The following STIM2 variants were observed in gnomAD, a reference collection of about 807,000 sequenced individuals.
The protein encoded by STIM2 is stromal interaction molecule 2.
STIM2 carries 31 observed loss-of-function variants against 85.8 expected under a neutral mutation model. That is an observed-to-expected ratio of 0.36 (90% CI 0.27 to 0.49). The LOEUF (loss-of-function observed/expected upper bound fraction) is 0.49. Among genes scored for constraint, STIM2 ranks in the 20% least tolerant of loss-of-function variants. The probability of loss-of-function intolerance (pLI) is 0.98; values close to 1 mark genes in which losing one functional copy is unlikely to be tolerated. For synonymous variants in STIM2, 356 were observed against 331.1 expected (o/e 1.08, Z -0.82); for missense variants, 841 against 927.6 (o/e 0.91, Z 1.21).
intron 5 of STIM2, among the ~76,000 whole-genome samples, chr4:27,001,301 T>C (rs922030927): frequency 6.6e-6 from 1 of 152,232 alleles, no homozygotes; most frequent in Non-Finnish European, 1.5e-5. Context: ...TAGTGTGTAC[T>C]GACTGGGCTA....
chr4:26,975,565 C>G (rs1391925566), intron 3 of STIM2, among the ~76,000 whole-genome samples: 1 of 152,188 alleles, frequency 6.6e-6, no homozygotes, highest in Non-Finnish European at 1.5e-5. Context: ...CCAGTGGAGG[C>G]TGCAGAACAG....
chr4:26,869,869 G>A (rs1478897045), intron 1 of STIM2, among the ~76,000 whole-genome samples: 1 of 150,874 alleles, frequency 6.6e-6, no homozygotes, highest in Non-Finnish European at 1.5e-5. Flanking sequence ...GTTCTTTTCA[G>A]CATTTTTCAC....
intron 2 of STIM2, among the ~76,000 whole-genome samples, chr4:26,951,588 T>G (rs1726054125): frequency 1.3e-5 from 2 of 152,156 alleles, no homozygotes; most frequent in South Asian, 4.1e-4. Flanking sequence ...AGTTGTTTTT[T>G]GAGGGCCTGT....
At chr4:27,019,738 C>T in intron 11 of STIM2, 1 of 308,644 alleles carries the variant, frequency 3.2e-6, no homozygotes, top group South Asian at 2.9e-5. Flanking sequence ...ATGCCTTATG[C>T]ACATATATGC....
intron 1 of STIM2, among the ~76,000 whole-genome samples, chr4:26,868,188 A>G (rs1012388721): frequency 1.3e-4 from 20 of 152,228 alleles, no homozygotes; most frequent in African/African-American, 4.6e-4. Flanking sequence ...TCCAGTACAC[A>G]CAGGCTGATT....
intron 10 of STIM2, among the ~76,000 whole-genome samples, chr4:27,015,820 G>A (rs564358538): frequency 7.3e-6 from 1 of 137,522 alleles, no homozygotes; most frequent in East Asian, 2.1e-4. Context: ...TATTTGGTGT[G>A]TTTCTTGAAT....
intron 10 of STIM2, among the ~76,000 whole-genome samples, chr4:27,016,730 T>C (rs1313047407): frequency 6.6e-6 from 1 of 152,234 alleles, no homozygotes; most frequent in African/African-American, 2.4e-5. Context: ...TGACTCATTA[T>C]TCCAATACCT....
Position 26,987,635 on chromosome 4 carries a change from T to TA in STIM2, c.398-7743dup, listed in dbSNP as rs150908437. Reference sequence around the variant, plus strand: ...TTTGAAATGTTGCCTTTCGAGCTGTTAGAGCCCCTCTTCCAAGTTGTAGGA... The same window carrying TA: ...TTTGAAATGTTGCCTTTCGAGCTGTTAAGAGCCCCTCTTCCAAGTTGTAGGA... On this transcript the variant is annotated intron_variant, in intron 3 of 11. Transcript: ENST00000467087. 4.1e-4 allele frequency among the ~76,000 whole-genome samples: 62 copies of TA among 152,296 alleles called. 1 individual carries two copies. The highest frequency in any genetic ancestry group is 1.4e-3 in the African/African-American group (59 of 41,580).
chr4:26,911,380 C>G (rs1362847795), intron 1 of STIM2, among the ~76,000 whole-genome samples: 2 of 152,036 alleles, frequency 1.3e-5, no homozygotes, highest in Non-Finnish European at 2.9e-5. Flanking sequence ...TTGCTAGGGT[C>G]CAGGTAAATT....
At chr4:26,975,853 A>G (rs1304478045) in intron 3 of STIM2, among the ~76,000 whole-genome samples, 2 of 152,132 alleles carry the variant, frequency 1.3e-5, no homozygotes, top group African/African-American at 4.8e-5. Flanking sequence ...TGCCCTGCCC[A>G]CAGAGGTGGA....
At chr4:26,972,762 G>A (rs1439714865) in intron 3 of STIM2, among the ~76,000 whole-genome samples, 3 of 152,180 alleles carry the variant, frequency 2.0e-5, no homozygotes, top group South Asian at 4.1e-4. Context: ...CATAAAATGC[G>A]TTAGGGAGGA....
chr4:26,916,557 C>T (rs1489803215), intron 1 of STIM2, among the ~76,000 whole-genome samples: 1 of 152,132 alleles, frequency 6.6e-6, no homozygotes. Flanking sequence ...TATTCCCCTC[C>T]TTGAAATCCA....
intron 1 of STIM2, among the ~76,000 whole-genome samples, chr4:26,890,944 C>G (rs1328786257): frequency 6.6e-6 from 1 of 152,122 alleles, no homozygotes; most frequent in African/African-American, 2.4e-5. Flanking sequence ...AGGCTTCACA[C>G]AGAAGCTCTA....
chr4:26,869,301 A>G (rs1227378138), intron 1 of STIM2, among the ~76,000 whole-genome samples: 1 of 35,778 alleles, frequency 2.8e-5, no homozygotes, highest in African/African-American at 1.0e-4. Flanking sequence ...CCTGTCTCCA[A>G]AAAAAAAAAA....
intron 10 of STIM2, among the ~76,000 whole-genome samples, chr4:27,013,983 TGTG>T (rs1728647408): frequency 2.0e-5 from 3 of 152,038 alleles, no homozygotes; most frequent in Admixed American, 1.3e-4. Context: ...TCTAGAATAT[TGTG>T]TTTTATCTGA....
At chr4:26,967,647 T>C (rs1726773209) in intron 3 of STIM2, among the ~76,000 whole-genome samples, 1 of 152,228 alleles carries the variant, frequency 6.6e-6, no homozygotes. Context: ...CTGATTTTGC[T>C]TCCTTCTTTG....
chr4:27,014,448 G>GT (rs1285639219), intron 10 of STIM2, among the ~76,000 whole-genome samples: 2 of 150,368 alleles, frequency 1.3e-5, no homozygotes, highest in African/African-American at 4.9e-5. Flanking sequence ...AGAAGCATAT[G>GT]TTTTAATTTC....
At chr4:27,021,022 G>T in intron 11 of STIM2, 1 of 1,535,366 alleles carries the variant, frequency 6.5e-7, no homozygotes, top group Non-Finnish European at 8.7e-7. Flanking sequence ...GGCTCGGTGC[G>T]TGCAAAAGTG....
chr4:26,911,650 C>T (rs1289710107), intron 1 of STIM2, among the ~76,000 whole-genome samples: 1 of 152,126 alleles, frequency 6.6e-6, no homozygotes, highest in Admixed American at 6.5e-5. Context: ...TTATAGCATT[C>T]CTGGTATAGC....
Sources: allele counts gnomAD v4.1 joint callset (sites outside exome capture counted in the v4.1 genomes callset), GRCh38; gene constraint gnomAD v4.1.1; transcripts MANE v1.5; gene names NCBI Gene and HGNC (gene_info 2026-07-23, HGNC 2026-07-21).